Variants in DPP8 observed in about 807,000 individuals in gnomAD.
The protein encoded by DPP8 is DPP VIII.
Under a neutral mutation model 107.5 loss-of-function variants are expected in DPP8, and 31 were observed. That is an observed-to-expected ratio of 0.29 (90% CI 0.22 to 0.39). The LOEUF is 0.39. Ranked by LOEUF, DPP8 falls within the 10% of genes least tolerant of loss-of-function variation. The pLI is 1.00. For synonymous variants in DPP8, 381 were observed against 356.6 expected, an observed-to-expected ratio of 1.07 and a Z score of -0.77; for missense variants, 842 against 1,076.1, an observed-to-expected ratio of 0.78 and a Z score of 3.04.
At chr15:65,488,633 AAAAC>A (rs906183031) in intron 6 of DPP8, among the ~76,000 whole-genome samples, 3 of 151,152 alleles carry the variant, frequency 2.0e-5, no homozygotes, top group African/African-American at 7.3e-5. Flanking sequence ...AAAAAACCCA[AAAAC>A]AAAAACAAAA....
intron 2 of DPP8, among the ~76,000 whole-genome samples, chr15:65,510,432 C>CA (rs1390409603): frequency 1.3e-5 from 2 of 152,030 alleles, no homozygotes; most frequent in African/African-American, 2.4e-5. Context: ...AAACCCTCTT[C>CA]AGGGGTTGGG....
At chr15:65,495,211 A>C (rs1288322023) in intron 5 of DPP8, among the ~76,000 whole-genome samples, 1 of 152,110 alleles carries the variant, frequency 6.6e-6, no homozygotes, top group Non-Finnish European at 1.5e-5. Context: ...CCTTGTCAGG[A>C]GTGTACTGGA....
chr15:65,446,662 C>A lies in DPP8; in HGVS notation c.*222G>T. The A allele has an allele frequency of 5.8e-6, 1 of 172,246 alleles. No individual in the cohort carries two copies. Among genetic ancestry groups the A allele is most frequent in the Non-Finnish European group, 1.1e-5 (1 of 89,986 alleles). The allele number at this position is 172,246 out of a possible 1,614,324, so 10.7% of individuals were successfully genotyped here. A position where few individuals can be genotyped will look rare whatever the true frequency, so the allele number is the denominator to read the frequency against. ...AGTAATTCTTATGGTATTGCTGGGT[C>A]TCTCAGGAATATGTATCATTTGATT... On this transcript the variant is annotated 3_prime_UTR_variant, in exon 20 of 20. Coordinates refer to ENST00000300141, the MANE Select transcript of DPP8 (RefSeq NM_130434.5).
chr15:65,448,692 T>A (rs866928600), intron 19 of DPP8, among the ~76,000 whole-genome samples: 5,300 of 105,180 alleles, frequency 0.05, 302 homozygotes, highest in Admixed American at 0.073. Flanking sequence ...AAAAAAAAAA[T>A]ATATATATAT....
At chr15:65,468,999 G>A (rs550302016) in intron 12 of DPP8, among the ~76,000 whole-genome samples, 1 of 152,090 alleles carries the variant, frequency 6.6e-6, no homozygotes, top group Non-Finnish European at 1.5e-5. Context: ...TTTTGAGACC[G>A]AGTTTCGCTC....
rs148899962 is a variant in DPP8, at chr15:65,480,278, G to C, written c.1240C>G (p.Pro414Ala). The change falls in exon 10 of 20, where the codon CCT becomes GCT. Residue 414 changes from proline (P) to alanine (A), a missense_variant. Coordinates refer to ENST00000300141, the MANE Select transcript of DPP8 (RefSeq NM_130434.5). ...ATAATTAGTGGCGTCACAGAATCAG[G>C]CACTGACTCAATGAGTCTCTGCCTT... Reference protein sequence around the residue: ...MERQRLIESVPDSVTPLIIYE... With the variant: ...MERQRLIESVADSVTPLIIYE... 1 of 1,613,790 alleles carries C rather than the reference G, an allele frequency of 6.2e-7. No individual in the cohort carries two copies. Among genetic ancestry groups the C allele is most frequent in the Non-Finnish European group, 8.5e-7 (1 of 1,179,932 alleles).
intron 5 of DPP8, among the ~76,000 whole-genome samples, chr15:65,495,890 A>G (rs1462948057): frequency 6.6e-6 from 1 of 152,116 alleles, no homozygotes; most frequent in Non-Finnish European, 1.5e-5. Context: ...TCAAAAACAA[A>G]CAACAACAAA....
intron 3 of DPP8, among the ~76,000 whole-genome samples, chr15:65,501,165 C>A (rs1045157159): frequency 6.6e-6 from 1 of 152,130 alleles, no homozygotes; most frequent in African/African-American, 2.4e-5. Context: ...GCGTGAGACA[C>A]CGCGCCTGGC....
intron 1 of DPP8, among the ~76,000 whole-genome samples, chr15:65,514,751 C>G (rs2071234143): frequency 6.6e-6 from 1 of 152,154 alleles, no homozygotes; most frequent in Non-Finnish European, 1.5e-5. Context: ...ACCTCATGAT[C>G]CACCCGCCTT....
chr15:65,480,913 C>T (rs112988480), intron 9 of DPP8, among the ~76,000 whole-genome samples: 220 of 152,104 alleles, frequency 1.4e-3, no homozygotes, highest in African/African-American at 5.2e-3. Context: ...CCTGACAACA[C>T]AGTGAGACCT....
At chr15:65,458,264 CTTTTT>C (rs146315273) in intron 15 of DPP8, among the ~76,000 whole-genome samples, 3 of 151,740 alleles carry the variant, frequency 2.0e-5, no homozygotes, top group African/African-American at 7.3e-5. Context: ...GTTACACAAA[CTTTTT>C]TTGTTTTTTG....
intron 12 of DPP8, 49 bp downstream of exon 12, chr15:65,474,160 T>C (rs1175311797): frequency 6.8e-6 from 9 of 1,332,832 alleles, no homozygotes; most frequent in Non-Finnish European, 9.7e-6. Context: ...TAGCACTGCA[T>C]TCACACAGTA....
intron 12 of DPP8, among the ~76,000 whole-genome samples, chr15:65,473,000 T>C (rs906992733): frequency 1.3e-5 from 2 of 151,954 alleles, no homozygotes; most frequent in African/African-American, 2.4e-5. Flanking sequence ...ATTGTGCCAC[T>C]GCAATCCAGC....
intron 12 of DPP8, among the ~76,000 whole-genome samples, chr15:65,470,387 C>T (rs2140545130): frequency 6.6e-6 from 1 of 151,592 alleles, no homozygotes; most frequent in African/African-American, 2.4e-5. Flanking sequence ...GGGCAGATCA[C>T]GTGAGGTCAG....
At position 65,512,560 on chromosome 15, in the gene DPP8, T is replaced by C; in HGVS notation, c.-7A>G. The C allele has an allele frequency of 6.2e-7, 1 of 1,614,008 alleles. No homozygotes were observed. The highest frequency in any genetic ancestry group is 2.2e-5 in the East Asian group (1 of 44,878). ...TTTCCATTGCTGCTGCCATGTTGCA[T>C]TTTCCTAGAAAAACAAGGCACATGA... On this transcript the variant is annotated 5_prime_UTR_variant, in exon 2 of 20. It removes an upstream start codon present in the reference 5' UTR. Coordinates refer to ENST00000300141, the MANE Select transcript of DPP8 (RefSeq NM_130434.5).
Position 65,469,984 on chromosome 15 carries a change from G to A in DPP8, c.1537-2761C>T, listed in dbSNP as rs1377551050. Among the ~76,000 whole-genome samples, 4 of 151,808 alleles carry A rather than the reference G, an allele frequency of 2.6e-5. No homozygotes were observed. The East Asian group carries it at 5.8e-4, about 22-fold the overall frequency. On this transcript the variant is annotated intron_variant, in intron 12 of 19. Coordinates refer to ENST00000300141, the MANE Select transcript of DPP8 (RefSeq NM_130434.5). ...GGCCAAAGCAAGAGGATTGCCTGAC[G>A]TCAGGAGTTCGAGACCAGCTTGGCC...
chr15:65,468,762 T>C (rs1221710092), intron 12 of DPP8, among the ~76,000 whole-genome samples: 1 of 152,122 alleles, frequency 6.6e-6, no homozygotes, highest in African/African-American at 2.4e-5. Flanking sequence ...CAGGACTCAT[T>C]CCGTTTTGAC....
In DPP8 at chr15:65,497,853, C is replaced by G. The variant is rs1386444496; in HGVS notation, c.715+11G>C. 6.9e-7 allele frequency: 1 copy of G among 1,455,302 alleles called. No individual in the cohort carries two copies. Among genetic ancestry groups the G allele is most frequent in the African/African-American group, 1.4e-5 (1 of 70,726 alleles). 90.1% of individuals were successfully genotyped at this position (1,455,302 alleles called of 1,614,324 possible). On this transcript the variant is annotated intron_variant, in intron 5 of 19. Transcript: ENST00000300141. The stretch of plus-strand genomic sequence containing the variant: ...TGTTCAGAAAAGTAAATCTGAAGAA[C>G]TACGCCTTACCATTGTGCACATAAG...
chr15:65,507,977 C>T (rs2070279493), intron 2 of DPP8, among the ~76,000 whole-genome samples: 1 of 152,154 alleles, frequency 6.6e-6, no homozygotes, highest in Admixed American at 6.6e-5. Flanking sequence ...GTGGCTCATG[C>T]TTGTAGTCCC....
Sources: gnomAD v4.1 joint callset for allele counts (sites outside exome capture counted in the v4.1 genomes callset) on GRCh38, gnomAD v4.1.1 for gene constraint, MANE v1.5 for transcripts, NCBI Gene and HGNC (gene_info 2026-07-23, HGNC 2026-07-21) for gene names.